The following AP2A2 variants were observed in gnomAD, a reference collection of about 807,000 sequenced individuals.
The protein encoded by AP2A2 is AP-2 complex subunit alpha-2.
In AP2A2, 32 loss-of-function variants were observed where a neutral mutation model predicts 104.2. That is an observed-to-expected ratio of 0.31 (90% CI 0.23 to 0.41). AP2A2 has a LOEUF of 0.41. AP2A2 is among the 10% of genes least tolerant of loss of function. The pLI is 1.00. For missense variants in AP2A2, 912 were observed against 1,261.0 expected (o/e 0.72, Z 4.19); for synonymous variants, 539 against 533.3 (o/e 1.01, Z -0.15).
chr11:937,863 G>A (rs1445862833), intron 1 of AP2A2, among the ~76,000 whole-genome samples: 1 of 152,160 alleles, frequency 6.6e-6, no homozygotes. Context: ...TAAGGAAACT[G>A]TGGCGTGGAG....
intron 2 of AP2A2, among the ~76,000 whole-genome samples, chr11:965,828 C>G (rs1008141903): frequency 6.6e-6 from 1 of 152,246 alleles, no homozygotes; most frequent in Admixed American, 6.5e-5. Flanking sequence ...TCATACTCTA[C>G]AGAGACATGG....
chr11:938,443 A>G (rs887236468), intron 1 of AP2A2, among the ~76,000 whole-genome samples: 1 of 151,440 alleles, frequency 6.6e-6, no homozygotes, highest in African/African-American at 2.4e-5. Context: ...TCTCCTTGCA[A>G]TGCATCGTCA....
In AP2A2 at chr11:986,355, A is replaced by G. The variant is rs1249533711; in HGVS notation, c.963-430A>G. ...GAGAAAGCTCTGTTGTTATGTGAGGAGAAGCCACATCCTGAGGAGACAGTA... is the reference window on the plus strand; with the variant it reads ...GAGAAAGCTCTGTTGTTATGTGAGGGGAAGCCACATCCTGAGGAGACAGTA... On this transcript the variant is annotated intron_variant, in intron 8 of 21. Coordinates refer to ENST00000448903, the MANE Select transcript of AP2A2 (RefSeq NM_012305.4). 2.6e-5 allele frequency among the ~76,000 whole-genome samples: 4 copies of G among 152,358 alleles called. No individual in the cohort carries two copies. In the East Asian group the frequency reaches 5.8e-4, roughly 22 times the overall value.
chr11:946,834 C>T (rs1853855309), intron 1 of AP2A2: 1 of 151,120 alleles, frequency 6.6e-6, no homozygotes, highest in African/African-American at 2.4e-5. Context: ...TTGTTTTAGC[C>T]AACCTCCCTT....
intron 14 of AP2A2, among the ~76,000 whole-genome samples, chr11:1,000,013 A>G (rs1305309165): frequency 2.0e-5 from 3 of 151,504 alleles, no homozygotes; most frequent in African/African-American, 7.3e-5. Flanking sequence ...TCACCGTGTT[A>G]GCCAGGGTGG....
Position 993,817 on chromosome 11 carries a change from G to A in AP2A2, c.1614G>A (p.Ala538=), listed in dbSNP as rs201859072. ...KFHLCSVPTR[A]LLLSTYIKFV... is the part of the protein sequence containing the mutation. ...ACCTGTGCAGCGTCCCCACCCGCGC[G>A]CTGCTCCTGTCCACCTACATCAAGT... The change falls in exon 13 of 22, where the codon GCG becomes GCA. Residue 538 remains alanine (A), a synonymous_variant. Coordinates refer to ENST00000448903, the MANE Select transcript of AP2A2 (RefSeq NM_012305.4). This position sits in a 1 kb window ranked among gnomAD's most constrained non-coding sequence, Gnocchi z 8.2. The A allele has an allele frequency of 2.6e-3, 4,122 of 1,608,076 alleles. 10 individuals are homozygous for A. The highest frequency in any genetic ancestry group is 2.8e-3 in the Middle Eastern group (17 of 6,058).
At chr11:995,364 C>A in intron 14 of AP2A2, 2 of 455,860 alleles carry the variant, frequency 4.4e-6, no homozygotes, top group South Asian at 1.5e-5. Context: ...TTGAGAGTTG[C>A]GTTTTTGCTT....
At chr11:1,007,704 C>T (rs374694462) in intron 17 of AP2A2, 16 of 450,538 alleles carry the variant, frequency 3.6e-5, no homozygotes, top group East Asian at 1.8e-4. Context: ...TTTCTGCTAA[C>T]GGTGACAAAA....
intron 17 of AP2A2, 197 bp from the exon 18 acceptor site, chr11:1,007,815 T>G: frequency 4.4e-6 from 3 of 681,162 alleles, no homozygotes. Flanking sequence ...TCTGGAAGCG[T>G]GAGAAGCAGA....
At chr11:1,000,372 G>A (rs1214077571) in intron 14 of AP2A2, 60 bp from the exon 15 acceptor site, 22 of 1,521,328 alleles carry the variant, frequency 1.4e-5, no homozygotes, top group Non-Finnish European at 1.8e-5. Flanking sequence ...GGCGTGAGCT[G>A]CCTGGGGTTG....
intron 2 of AP2A2, among the ~76,000 whole-genome samples, chr11:962,598 A>T (rs10751675): frequency 0.51 from 76,868 of 151,732 alleles, 20,102 homozygotes; most frequent in Middle Eastern, 0.66. Flanking sequence ...CTGGGTGTGG[A>T]GGCGCGTGCC....
chr11:941,665 G>C (rs1041025347), intron 1 of AP2A2, among the ~76,000 whole-genome samples: 3 of 151,364 alleles, frequency 2.0e-5, no homozygotes, highest in African/African-American at 7.3e-5. Flanking sequence ...TCGGCTCACT[G>C]CAATCTCTGA....
chr11:983,833 G>A (rs1855354687), intron 6 of AP2A2, among the ~76,000 whole-genome samples: 1 of 152,242 alleles, frequency 6.6e-6, no homozygotes, highest in Admixed American at 6.5e-5. Flanking sequence ...CCGTGTCTGT[G>A]TGTCACGGAA....
chr11:985,739 T>A, intron 8 of AP2A2, 157 bp downstream of exon 8: 1 of 1,105,524 alleles, frequency 9.0e-7, no homozygotes, highest in South Asian at 1.5e-5. Context: ...TTTTTCTTTC[T>A]GTGCAGCCCG....
chr11:949,194 T>A (rs1211783494), intron 1 of AP2A2, among the ~76,000 whole-genome samples: 1 of 151,490 alleles, frequency 6.6e-6, no homozygotes, highest in Non-Finnish European at 1.5e-5. Context: ...GAGAATCGCT[T>A]GAAACCGAGA....
intron 1 of AP2A2, among the ~76,000 whole-genome samples, chr11:932,506 TCA>T (rs1853323073): frequency 6.6e-6 from 1 of 152,264 alleles, no homozygotes; most frequent in Non-Finnish European, 1.5e-5. Flanking sequence ...TAAATAACCT[TCA>T]CAGTTAAAAG....
At chr11:960,951 G>T (rs899478914) in intron 2 of AP2A2, among the ~76,000 whole-genome samples, 1 of 152,254 alleles carries the variant, frequency 6.6e-6, no homozygotes, top group African/African-American at 2.4e-5. Context: ...GAGCCTCTGC[G>T]CCCGGTGTGC....
At chr11:996,425 A>C (rs1464227326) in intron 14 of AP2A2, among the ~76,000 whole-genome samples, 1 of 152,208 alleles carries the variant, frequency 6.6e-6, no homozygotes, top group African/African-American at 2.4e-5. Context: ...GGAGCATGGA[A>C]AGGGGCTGTA....
At chr11:1,003,681 G>C (rs1275912134) in intron 15 of AP2A2, 41 bp from the exon 16 acceptor site, 1 of 1,359,144 alleles carries the variant, frequency 7.4e-7, no homozygotes, top group Non-Finnish European at 1.0e-6. Flanking sequence ...GTTTTCTGCA[G>C]GTGGCTTTGA....
Sources: allele counts gnomAD v4.1 joint callset (sites outside exome capture counted in the v4.1 genomes callset), GRCh38; gene constraint gnomAD v4.1.1; non-coding constraint Gnocchi (gnomAD v3.1); transcripts MANE v1.5; gene names NCBI Gene and HGNC (gene_info 2026-07-23, HGNC 2026-07-21).